The following HECTD4 variants were observed in gnomAD, a reference collection of about 807,000 sequenced individuals.
The protein encoded by HECTD4 is HECT domain E3 ubiquitin protein ligase 4.
A neutral mutation model predicts 471.5 loss-of-function variants in HECTD4; 114 were observed. The ratio of observed to expected loss-of-function variants is 0.24; its 90% confidence interval spans 0.21 to 0.28. The LOEUF is 0.28. Among genes scored for constraint, HECTD4 ranks in the 10% least tolerant of loss-of-function variants. The pLI, the probability that HECTD4 is intolerant of heterozygous loss-of-function variation, is 1.00. For missense variants in HECTD4, 3,866 were observed against 5,651.5 expected, an observed-to-expected ratio of 0.68 and a Z score of 10.13; for synonymous variants, 2,012 against 2,256.0, an observed-to-expected ratio of 0.89 and a Z score of 3.07.
intron 9 of HECTD4, among the ~76,000 whole-genome samples, chr12:112,278,366 C>T (rs913120630): frequency 5.9e-5 from 9 of 152,068 alleles, no homozygotes; most frequent in Non-Finnish European, 1.2e-4. Context: ...ATAAAGCCAC[C>T]GCCCCCAGCC....
At position 112,246,916 on chromosome 12, in the gene HECTD4, G is replaced by C; in HGVS notation, c.4498C>G (p.Pro1500Ala). Residue 1500 changes from proline (P) to alanine (A), a missense_variant, in exon 29 of 76, where the codon CCT becomes GCT. By Grantham distance (27) the Pro-to-Ala change is conservative. Transcript: ENST00000682272. ...TGAGCAGTACCTGGTGTTTCAGCAG[G>C]GGTCCCAGAGATGCTTCTCGTGAGG... ...SGLTRSISGT[P>A]AETPACKSAS... 1 of 1,611,922 alleles carries C rather than the reference G, an allele frequency of 6.2e-7. No individual in the cohort carries two copies. Among genetic ancestry groups the C allele is most frequent in the Non-Finnish European group, 8.5e-7 (1 of 1,179,752 alleles).
chr12:112,164,391 A>T, intron 72 of HECTD4, 116 bp from the exon 73 acceptor site: 1 of 1,081,144 alleles, frequency 9.2e-7, no homozygotes, highest in Non-Finnish European at 1.3e-6. Flanking sequence ...TCGGCCGTGT[A>T]GATGAGCATG....
At chr12:112,232,885 C>T (rs1364507250) in intron 38 of HECTD4, 119 bp downstream of exon 38, 2 of 817,438 alleles carry the variant, frequency 2.4e-6, no homozygotes, top group African/African-American at 1.7e-5. Context: ...CAATTTCTCA[C>T]CTTGCCTCTT....
intron 7 of HECTD4, among the ~76,000 whole-genome samples, chr12:112,292,850 G>A (rs1237772267): frequency 1.3e-5 from 2 of 151,942 alleles, no homozygotes; most frequent in African/African-American, 4.8e-5. Flanking sequence ...GTGAAACCCC[G>A]TCCCTACTAA....
intron 49 of HECTD4, 78 bp from the exon 50 acceptor site, chr12:112,210,330 A>C: frequency 2.1e-6 from 3 of 1,428,770 alleles, no homozygotes; most frequent in Non-Finnish European, 2.9e-6. Context: ...GGCGCAGCTC[A>C]CTAAACGTCA....
chr12:112,221,142 A>G (rs942093475), intron 44 of HECTD4, among the ~76,000 whole-genome samples: 1 of 152,066 alleles, frequency 6.6e-6, no homozygotes, highest in African/African-American at 2.4e-5. Context: ...TTGTAGAGAC[A>G]GGGTCTTGCT....
At chr12:112,287,822 A>C (rs2034788898) in intron 7 of HECTD4, among the ~76,000 whole-genome samples, 1 of 152,162 alleles carries the variant, frequency 6.6e-6, no homozygotes, top group Non-Finnish European at 1.5e-5. Context: ...GAAGTAGCCA[A>C]ATCAGGCAGA....
intron 67 of HECTD4, 60 bp downstream of exon 67, chr12:112,172,611 T>C (rs1342410026): frequency 1.3e-6 from 2 of 1,515,318 alleles, no homozygotes; most frequent in Non-Finnish European, 1.8e-6. Context: ...TAAATGCCCC[T>C]TGTCATGGGG....
intron 44 of HECTD4, 70 bp from the exon 45 acceptor site, chr12:112,219,559 G>A (rs2033031000): frequency 1.9e-6 from 2 of 1,067,096 alleles, no homozygotes; most frequent in East Asian, 2.4e-5. Flanking sequence ...GACTCTTTTG[G>A]AGCAGCATCA....
At chr12:112,242,612 T>TA (rs34693763) in intron 32 of HECTD4, among the ~76,000 whole-genome samples, 324 of 131,150 alleles carry the variant, frequency 2.5e-3, no homozygotes, top group Middle Eastern at 8.1e-3. Context: ...AGAATCTGCT[T>TA]AAAAAAAAAA....
At chr12:112,176,270 A>G (rs1208452447) in intron 65 of HECTD4, among the ~76,000 whole-genome samples, 1 of 152,268 alleles carries the variant, frequency 6.6e-6, no homozygotes, top group African/African-American at 2.4e-5. Flanking sequence ...CAAAGCGTCC[A>G]TGCAGATTTC....
intron 1 of HECTD4, among the ~76,000 whole-genome samples, chr12:112,374,201 G>A (rs1284460781): frequency 5.9e-5 from 9 of 151,770 alleles, no homozygotes; most frequent in Non-Finnish European, 7.4e-5. Flanking sequence ...GTAGCACACC[G>A]GTAGTCCCAG....
At chr12:112,199,699 C>A (rs2032354778) in intron 55 of HECTD4, among the ~76,000 whole-genome samples, 1 of 152,220 alleles carries the variant, frequency 6.6e-6, no homozygotes, top group Non-Finnish European at 1.5e-5. Context: ...AGGGCAGGCA[C>A]ATGCCTTGAA....
At chr12:112,180,832 G>C (rs1445826577) in intron 62 of HECTD4, among the ~76,000 whole-genome samples, 8 of 152,140 alleles carry the variant, frequency 5.3e-5, no homozygotes. Context: ...GCTGGGACCA[G>C]GGTGAGCCCA....
intron 55 of HECTD4, among the ~76,000 whole-genome samples, chr12:112,195,872 G>A (rs2032226179): frequency 1.3e-5 from 2 of 152,202 alleles, no homozygotes; most frequent in African/African-American, 2.4e-5. Context: ...GCCTAAGCAC[G>A]TCTTATGGGC....
chr12:112,207,818 A>T, intron 52 of HECTD4, 56 bp downstream of exon 52: 1 of 1,582,996 alleles, frequency 6.3e-7, no homozygotes. Context: ...ATTTTCATCC[A>T]GCTCCTCACT....
intron 29 of HECTD4, among the ~76,000 whole-genome samples, chr12:112,244,864 C>G (rs2033723440): frequency 1.3e-5 from 2 of 151,912 alleles, no homozygotes; most frequent in Admixed American, 6.6e-5. Context: ...ACTCCTTAAC[C>G]CTATCCAGGG....
At chr12:112,199,174 A>T (rs1310992304) in intron 55 of HECTD4, among the ~76,000 whole-genome samples, 1 of 152,186 alleles carries the variant, frequency 6.6e-6, no homozygotes, top group African/African-American at 2.4e-5. Context: ...AGGGTCAGGG[A>T]ATAGCCCCTG....
At chr12:112,206,141 C>G (rs957093949) in intron 52 of HECTD4, among the ~76,000 whole-genome samples, 5 of 152,142 alleles carry the variant, frequency 3.3e-5, no homozygotes, top group Admixed American at 3.3e-4. Context: ...AAAATGGGCA[C>G]AATTCCTCCA....
Sources: allele counts gnomAD v4.1 joint callset (sites outside exome capture counted in the v4.1 genomes callset), GRCh38; gene constraint gnomAD v4.1.1; transcripts MANE v1.5; gene names NCBI Gene and HGNC (gene_info 2026-07-23, HGNC 2026-07-21).